CNOT2: variants seen among roughly 807,000 people sequenced by gnomAD.
CNOT2 encodes CC chemokine receptor 4-negative regulator of transcription 2.
A neutral mutation model predicts 72.1 loss-of-function variants in CNOT2; 7 were observed. The observed-to-expected ratio is 0.10, with a 90% CI of 0.06 to 0.18. The LOEUF (loss-of-function observed/expected upper bound fraction) is 0.18. Among genes scored for constraint, CNOT2 ranks in the 10% least tolerant of loss-of-function variants. The probability of loss-of-function intolerance (pLI) is 1.00; values close to 1 mark genes in which losing one functional copy is unlikely to be tolerated. For synonymous variants in CNOT2, 196 were observed against 225.6 expected (o/e 0.87, Z 1.17); for missense variants, 345 against 660.3 (o/e 0.52, Z 5.23).
At chr12:70,276,336 T>C (rs1593098507) in intron 1 of CNOT2, among the ~76,000 whole-genome samples, 1 of 151,968 alleles carries the variant, frequency 6.6e-6, no homozygotes, top group South Asian at 2.1e-4. Context: ...ATTAATATAA[T>C]TGGAGGTAAT....
chr12:70,278,321 A>G, intron 2 of CNOT2, 47 bp downstream of exon 2: 2 of 1,345,856 alleles, frequency 1.5e-6, no homozygotes, highest in Non-Finnish European at 1.1e-6. Context: ...TTATAGCTAC[A>G]TTGAAACTGT....
At chr12:70,327,396 A>G (rs7301755) in intron 4 of CNOT2, 43,296 of 151,798 alleles carry the variant, frequency 0.29, 6,501 homozygotes, top group Admixed American at 0.45. Flanking sequence ...GCACTCACAG[A>G]GGTGCTAATC....
chr12:70,305,070 A>AC (rs1306711436), intron 2 of CNOT2, among the ~76,000 whole-genome samples: 1 of 151,966 alleles, frequency 6.6e-6, no homozygotes, highest in African/African-American at 2.4e-5. Context: ...GCCATTCGTC[A>AC]CCCCTTTCTT....
At chr12:70,260,027 G>A (rs1408869664) in intron 1 of CNOT2, among the ~76,000 whole-genome samples, 2 of 152,142 alleles carry the variant, frequency 1.3e-5, no homozygotes, top group Non-Finnish European at 2.9e-5. Context: ...TGATTGGTAT[G>A]CCTATCCTTA....
intron 2 of CNOT2, chr12:70,307,936 C>T (rs1875722896): frequency 6.6e-6 from 1 of 151,084 alleles, no homozygotes. Flanking sequence ...TACTCTTAAG[C>T]TTCGCCTAAA....
At chr12:70,290,538 T>C (rs190006385) in intron 2 of CNOT2, among the ~76,000 whole-genome samples, 16 of 152,306 alleles carry the variant, frequency 1.1e-4, no homozygotes, top group African/African-American at 3.8e-4. Context: ...GTCTCAAGGA[T>C]TATTGTCCTG....
chr12:70,306,386 A>T (rs1453649908), intron 2 of CNOT2, among the ~76,000 whole-genome samples: 1 of 152,072 alleles, frequency 6.6e-6, no homozygotes, highest in Non-Finnish European at 1.5e-5. Flanking sequence ...TGAACTCCTG[A>T]CCTCAAGTGA....
intron 4 of CNOT2, among the ~76,000 whole-genome samples, chr12:70,321,226 A>T (rs1878244299): frequency 6.6e-6 from 1 of 151,836 alleles, no homozygotes; most frequent in Non-Finnish European, 1.5e-5. Context: ...TGAATCTTAG[A>T]TCAACTGGAA....
intron 2 of CNOT2, among the ~76,000 whole-genome samples, chr12:70,296,363 TTGTGTG>T (rs1242548053): frequency 3.9e-4 from 59 of 151,994 alleles, no homozygotes; most frequent in Non-Finnish European, 2.9e-5. Context: ...TCATAGATTT[TTGTGTG>T]TGTGTGTATC....
At chr12:70,351,210 G>A (rs1882823978) in intron 15 of CNOT2, among the ~76,000 whole-genome samples, 2 of 152,002 alleles carry the variant, frequency 1.3e-5, no homozygotes, top group African/African-American at 4.8e-5. Flanking sequence ...TAAAACAAAG[G>A]AAGAAAGCTT....
intron 4 of CNOT2, among the ~76,000 whole-genome samples, chr12:70,324,587 G>A (rs958949983): frequency 2.0e-5 from 3 of 151,566 alleles, no homozygotes; most frequent in African/African-American, 7.3e-5. Flanking sequence ...TTGAGGAAGT[G>A]TAGAGTGTAC....
intron 1 of CNOT2, chr12:70,244,085 C>G (rs557356896): frequency 4.6e-5 from 7 of 152,542 alleles, no homozygotes; most frequent in Middle Eastern, 3.4e-3. Context: ...ACTGGACTGG[C>G]TAACGGGTGT....
intron 2 of CNOT2, among the ~76,000 whole-genome samples, chr12:70,285,006 C>T (rs1870618791): frequency 6.6e-6 from 1 of 151,744 alleles, no homozygotes; most frequent in African/African-American, 2.4e-5. Flanking sequence ...TCTGGTGTTC[C>T]TTTTGGCAAC....
At chr12:70,274,214 A>G (rs1565754149) in intron 1 of CNOT2, among the ~76,000 whole-genome samples, 1 of 152,082 alleles carries the variant, frequency 6.6e-6, no homozygotes, top group Non-Finnish European at 1.5e-5. Context: ...TGATCAAGCA[A>G]AAAATTAGTT....
chr12:70,246,776 T>G (rs1957894447), intron 1 of CNOT2, among the ~76,000 whole-genome samples: 1 of 152,218 alleles, frequency 6.6e-6, no homozygotes, highest in African/African-American at 2.4e-5. Context: ...CTCTTATGAC[T>G]AATCATGCTG....
chr12:70,255,460 CT>C (rs1324377241), intron 1 of CNOT2, among the ~76,000 whole-genome samples: 1 of 151,998 alleles, frequency 6.6e-6, no homozygotes, highest in Non-Finnish European at 1.5e-5. Context: ...GGTACTGAGC[CT>C]TTTGAAGCAT....
intron 1 of CNOT2, 86 bp downstream of exon 1, chr12:70,243,566 T>C (rs1338261173): frequency 2.0e-5 from 3 of 152,216 alleles, no homozygotes; most frequent in African/African-American, 7.3e-5. Flanking sequence ...GGCGGGGGAA[T>C]GCCCCGGGGC....
chr12:70,337,980 A>G, intron 9 of CNOT2: 1 of 242,806 alleles, frequency 4.1e-6, no homozygotes, highest in Non-Finnish European at 8.1e-6. Flanking sequence ...TATTATTAAA[A>G]TAATTGATAA....
chr12:70,318,084 G>C (rs12309104), intron 3 of CNOT2, among the ~76,000 whole-genome samples: 28,393 of 151,680 alleles, frequency 0.19, 3,065 homozygotes, highest in Admixed American at 0.33. Flanking sequence ...ACCAGAATGC[G>C]TCTTATTTTT....
Sources: gnomAD v4.1 joint callset for allele counts (sites outside exome capture counted in the v4.1 genomes callset) on GRCh38, gnomAD v4.1.1 for gene constraint, MANE v1.5 for transcripts, NCBI Gene and HGNC (gene_info 2026-07-23, HGNC 2026-07-21) for gene names.